The following ARB2A variants were observed in gnomAD, a reference collection of about 807,000 sequenced individuals.
The protein encoded by ARB2A is cotranscriptional regulator ARB2A.
chr5:93,859,619 AAAG>A, the ARB2A span, among the ~76,000 whole-genome samples: 13 of 152,230 alleles, frequency 8.5e-5, no homozygotes, highest in Non-Finnish European at 2.9e-5. Context: ...GTCAGTAAAA[AAAG>A]ATTTTTTCAA....
the ARB2A span, among the ~76,000 whole-genome samples, chr5:93,831,824 T>C: frequency 6.6e-6 from 1 of 152,176 alleles, no homozygotes; most frequent in African/African-American, 2.4e-5. Context: ...TATCTGTTAA[T>C]GGCCTGTCAG....
chr5:93,721,106 C>T, the ARB2A span, among the ~76,000 whole-genome samples: 1 of 152,068 alleles, frequency 6.6e-6, no homozygotes, highest in South Asian at 2.1e-4. Flanking sequence ...ATTCTCTCAA[C>T]TGGTTTAAGT....
chr5:93,860,148 C>T, the ARB2A span, among the ~76,000 whole-genome samples: 8 of 152,044 alleles, frequency 5.3e-5, no homozygotes, highest in Non-Finnish European at 8.8e-5. Flanking sequence ...CAAAAATTAG[C>T]CGGGTGTTGT....
At chr5:93,740,976 A>G in the ARB2A span, 2 of 1,613,820 alleles carry the variant, frequency 1.2e-6, no homozygotes, top group Non-Finnish European at 1.7e-6. Flanking sequence ...ATAAGCCCAG[A>G]AGGTTCTCTG....
chr5:94,009,354 C>G, the ARB2A span, among the ~76,000 whole-genome samples: 1 of 151,916 alleles, frequency 6.6e-6, no homozygotes, highest in Non-Finnish European at 1.5e-5. Context: ...AATAATTTAC[C>G]CTCATCAGCA....
the ARB2A span, among the ~76,000 whole-genome samples, chr5:93,630,933 C>G: frequency 3.3e-5 from 5 of 152,160 alleles, no homozygotes; most frequent in South Asian, 6.2e-4. Flanking sequence ...TGCTTTGTCA[C>G]CCAGGCTGGA....
the ARB2A span, chr5:93,683,092 C>T: frequency 6.4e-7 from 1 of 1,561,422 alleles, no homozygotes; most frequent in Non-Finnish European, 8.7e-7. Context: ...CTTTTCCATT[C>T]TGATTTGACT....
the ARB2A span, among the ~76,000 whole-genome samples, chr5:93,924,969 T>C: frequency 1.3e-5 from 2 of 152,122 alleles, no homozygotes; most frequent in Non-Finnish European, 2.9e-5. Flanking sequence ...CTGTCAAATG[T>C]AAAATCGCTC....
chr5:93,805,808 T>C, the ARB2A span: 1 of 985,048 alleles, frequency 1.0e-6, no homozygotes, highest in African/African-American at 1.7e-5. Flanking sequence ...CGGTTTTCAA[T>C]GGATCTCCTG....
the ARB2A span, among the ~76,000 whole-genome samples, chr5:93,820,024 A>AT: frequency 6.6e-6 from 1 of 152,242 alleles, no homozygotes; most frequent in Non-Finnish European, 1.5e-5. Context: ...TTTCTAAGTG[A>AT]TTTTTTAATG....
At chr5:94,019,196 A>G in the ARB2A span, among the ~76,000 whole-genome samples, 15 of 152,172 alleles carry the variant, frequency 9.9e-5, no homozygotes, top group Middle Eastern at 3.2e-3. Flanking sequence ...AAGACCTAAA[A>G]CCATAAAAAC....
chr5:93,774,988 T>A, the ARB2A span, among the ~76,000 whole-genome samples: 2 of 152,120 alleles, frequency 1.3e-5, no homozygotes, highest in East Asian at 3.9e-4. Context: ...GAAAATCAAT[T>A]GTATAATATT....
chr5:93,857,572 C>T, the ARB2A span, among the ~76,000 whole-genome samples: 2 of 152,128 alleles, frequency 1.3e-5, no homozygotes, highest in Non-Finnish European at 1.5e-5. Context: ...ACTCCATGGG[C>T]GTAGGACCCT....
the ARB2A span, among the ~76,000 whole-genome samples, chr5:93,866,745 C>T: frequency 1.3e-5 from 2 of 152,102 alleles, no homozygotes; most frequent in South Asian, 2.1e-4. Flanking sequence ...CAGTTCCCTT[C>T]GTAAAGCAAG....
the ARB2A span, chr5:93,741,319 C>A: frequency 1.9e-6 from 3 of 1,613,248 alleles, no homozygotes; most frequent in East Asian, 4.5e-5. Flanking sequence ...AGCTCCAAGA[C>A]GGGGCCTGCA....
At chr5:94,104,001 C>A in the ARB2A span, among the ~76,000 whole-genome samples, 1 of 151,254 alleles carries the variant, frequency 6.6e-6, no homozygotes, top group African/African-American at 2.4e-5. Context: ...TGAGACAGAG[C>A]TAAAGCAGTC....
At chr5:93,833,012 C>A in the ARB2A span, among the ~76,000 whole-genome samples, 1 of 152,090 alleles carries the variant, frequency 6.6e-6, no homozygotes, top group Admixed American at 6.6e-5. Flanking sequence ...TATTATCATG[C>A]CTATGTTTAA....
chr5:93,746,354 G>A, the ARB2A span, among the ~76,000 whole-genome samples: 1 of 152,114 alleles, frequency 6.6e-6, no homozygotes, highest in Non-Finnish European at 1.5e-5. Flanking sequence ...AGATAACAGA[G>A]GACAAGAACA....
At chr5:93,660,196 G>T in the ARB2A span, among the ~76,000 whole-genome samples, 1 of 152,062 alleles carries the variant, frequency 6.6e-6, no homozygotes, top group South Asian at 2.1e-4. Context: ...ATATGTAAGT[G>T]CTATTATTGC....
Sources: allele counts gnomAD v4.1 joint callset (sites outside exome capture counted in the v4.1 genomes callset), GRCh38; gene constraint gnomAD v4.1.1; transcripts MANE v1.5; gene names NCBI Gene and HGNC (gene_info 2026-07-23, HGNC 2026-07-21).